The following TMED3 variants were observed in gnomAD, a reference collection of about 807,000 sequenced individuals.
TMED3 encodes the protein transmembrane emp24 domain-containing protein 3.
TMED3 carries 9 observed loss-of-function variants against 15.0 expected under a neutral mutation model. That is an observed-to-expected ratio of 0.60 (90% CI 0.36 to 1.04). The LOEUF (loss-of-function observed/expected upper bound fraction) is 1.04. Ranked by LOEUF, TMED3 falls within the 50% of genes least tolerant of loss-of-function variation. TMED3 has a pLI of 0.01. For missense variants in TMED3, 267 were observed against 278.9 expected (o/e 0.96, Z 0.30); for synonymous variants, 117 against 121.4 (o/e 0.96, Z 0.24).
At chr15:79,342,585 C>T in intron 2 of TMED3, among the ~76,000 whole-genome samples, 1 of 152,118 alleles carries the variant, frequency 6.6e-6, no homozygotes, top group East Asian at 1.9e-4. Context: ...ATAAATCTAA[C>T]TACCTAGAAT....
At chr15:79,388,345 A>G (rs1026808800) in intron 2 of TMED3, among the ~76,000 whole-genome samples, 1 of 151,900 alleles carries the variant, frequency 6.6e-6, no homozygotes, top group African/African-American at 2.4e-5. Context: ...AATTTTATAA[A>G]TGTTTTATTC....
At chr15:79,325,933 A>C (rs1567024251), downstream of TMED3, among the ~76,000 whole-genome samples, 1 of 152,150 alleles carries the variant, frequency 6.6e-6, no homozygotes, top group Non-Finnish European at 1.5e-5. Flanking sequence ...GTGCCCACCC[A>C]CATTGAGGGT....
Position 79,366,482 on chromosome 15 carries a change from A to G in TMED3, c.418-44918A>G, listed in dbSNP as rs189466073. ...ATAGAGAACCAAACATCTCATGATT[A>G]ACTTCCATGGCTGTTGTTATAAGCT... On this transcript the variant is annotated intron_variant, in intron 2 of 2. Coordinates refer to the TMED3 transcript ENST00000424155. Among the ~76,000 whole-genome samples the G allele has an allele frequency of 7.2e-3, 1,100 of 152,376 alleles. 5 individuals carry two copies. Among genetic ancestry groups the G allele is most frequent in the Middle Eastern group, 0.014 (4 of 294 alleles).
chr15:79,379,149 T>A (rs1166563688), intron 2 of TMED3, among the ~76,000 whole-genome samples: 1 of 152,224 alleles, frequency 6.6e-6, no homozygotes, highest in Non-Finnish European at 1.5e-5. Context: ...GCCCCTTTAC[T>A]CACAGGCACC....
intron 2 of TMED3, chr15:79,314,521 A>G (rs2058732325): frequency 2.2e-6 from 1 of 455,272 alleles, no homozygotes. Context: ...CTTTCTTGTC[A>G]TCTTTCTGTC....
intron 2 of TMED3, among the ~76,000 whole-genome samples, chr15:79,382,262 T>C (rs1305647271): frequency 6.6e-6 from 1 of 152,166 alleles, no homozygotes; most frequent in African/African-American, 2.4e-5. Context: ...GAGTTTTGAC[T>C]CTTTACTGAG....
intron 2 of TMED3, among the ~76,000 whole-genome samples, chr15:79,370,833 G>A (rs532616329): frequency 6.6e-5 from 10 of 152,284 alleles, no homozygotes; most frequent in African/African-American, 1.9e-4. Flanking sequence ...ACAGTCATTC[G>A]CTGAGGATCT....
In TMED3 at chr15:79,320,301, T is replaced by C. The variant is rs528044291; in HGVS notation, c.418-1677T>C. On this transcript the variant is annotated intron_variant, in intron 2 of 2. Transcript: ENST00000299705. ...GTGTGGCCTGGTTTTTCCTAGGTTA[T>C]GATTGTAGAGCAAGGATTATTATAA... 2.6e-5 allele frequency among the ~76,000 whole-genome samples: 4 copies of C among 152,310 alleles called. No homozygotes were observed. The East Asian group carries it at 5.8e-4, about 22-fold the overall frequency.
chr15:79,392,719 CT>C (rs1176141839), intron 2 of TMED3, among the ~76,000 whole-genome samples: 3 of 152,042 alleles, frequency 2.0e-5, no homozygotes, highest in Admixed American at 6.6e-5. Flanking sequence ...AATTTTTGTT[CT>C]GGACTTCATA....
At chr15:79,357,449 C>T (rs187026159) in intron 2 of TMED3, among the ~76,000 whole-genome samples, 2 of 129,494 alleles carry the variant, frequency 1.5e-5, no homozygotes, top group East Asian at 4.5e-4. Context: ...TGTGCCACTG[C>T]ACTCCACCCT....
chr15:79,339,556 C>T (rs575859224), intron 2 of TMED3, among the ~76,000 whole-genome samples: 28 of 152,270 alleles, frequency 1.8e-4, no homozygotes, highest in Non-Finnish European at 2.2e-4. Flanking sequence ...TCCACAGTGT[C>T]GGATAGCTCC....
chr15:79,339,303 T>C (rs935274976), intron 2 of TMED3, among the ~76,000 whole-genome samples: 2 of 152,148 alleles, frequency 1.3e-5, no homozygotes, highest in African/African-American at 4.8e-5. Context: ...CCAATAAATA[T>C]CAGTGCAGCC....
intron 2 of TMED3, among the ~76,000 whole-genome samples, chr15:79,339,988 A>G (rs72740322): frequency 0.16 from 25,011 of 151,976 alleles, 2,030 homozygotes; most frequent in Middle Eastern, 0.2. Context: ...CACACACACT[A>G]CTGCATAATA....
intron 2 of TMED3, among the ~76,000 whole-genome samples, chr15:79,338,901 C>A (rs1009940786): frequency 6.6e-6 from 1 of 152,020 alleles, no homozygotes; most frequent in Non-Finnish European, 1.5e-5. Flanking sequence ...CTAAGCAGAC[C>A]GGGAAAGGGA....
At chr15:79,407,163 T>C (rs971988037) in intron 2 of TMED3, among the ~76,000 whole-genome samples, 1 of 152,194 alleles carries the variant, frequency 6.6e-6, no homozygotes, top group African/African-American at 2.4e-5. Flanking sequence ...GCAGACCCAG[T>C]GTCTCAACTT....
chr15:79,369,509 C>G (rs1471159463), intron 2 of TMED3, among the ~76,000 whole-genome samples: 1 of 152,238 alleles, frequency 6.6e-6, no homozygotes, highest in Non-Finnish European at 1.5e-5. Flanking sequence ...GCTTCTTCCC[C>G]TAAGCTGGCT....
At chr15:79,349,636 A>C (rs2058884634) in intron 2 of TMED3, among the ~76,000 whole-genome samples, 1 of 152,208 alleles carries the variant, frequency 6.6e-6, no homozygotes, top group African/African-American at 2.4e-5. Flanking sequence ...TTCTGGGCAC[A>C]CAAAAGGACA....
chr15:79,394,053 G>T (rs922090131), intron 2 of TMED3, among the ~76,000 whole-genome samples: 4 of 152,096 alleles, frequency 2.6e-5, no homozygotes, highest in Non-Finnish European at 5.9e-5. Flanking sequence ...ATGGATGTAG[G>T]CCTCATTCTG....
rs997187150 is a variant in TMED3, at chr15:79,322,408, G to A, written c.*194G>A. On this transcript the variant is annotated 3_prime_UTR_variant, in exon 3 of 3. Transcript: ENST00000299705. ...GGTCTCAGAGACCAGTAATCAGAAGGCATCCGACTGCATTAAGTGTGCAGC... is the reference window on the plus strand; with the variant it reads ...GGTCTCAGAGACCAGTAATCAGAAGACATCCGACTGCATTAAGTGTGCAGC... 1.4e-6 allele frequency: 2 copies of A among 1,422,636 alleles called. No homozygotes were observed. Among genetic ancestry groups the A allele is most frequent in the South Asian group, 1.5e-5 (1 of 65,320 alleles). 88.1% of individuals were successfully genotyped at this position (1,422,636 alleles called of 1,614,324 possible).
Sources: gnomAD v4.1 joint callset for allele counts (sites outside exome capture counted in the v4.1 genomes callset) on GRCh38, gnomAD v4.1.1 for gene constraint, MANE v1.5 for transcripts, NCBI Gene and HGNC (gene_info 2026-07-23, HGNC 2026-07-21) for gene names.